Variants in ITPR1 observed in about 807,000 individuals in gnomAD.
The protein encoded by ITPR1 is inositol 1,4,5-trisphosphate receptor type 1, also known as inositol 1,4,5-trisphosphate-gated calcium channel ITPR1.
Under a neutral mutation model 318.4 loss-of-function variants are expected in ITPR1, and 96 were observed. The observed-to-expected ratio is 0.30, with a 90% CI of 0.26 to 0.36. The LOEUF (loss-of-function observed/expected upper bound fraction) is 0.36. Ranked by LOEUF, ITPR1 falls within the 10% of genes least tolerant of loss-of-function variation. The pLI is 1.00. For missense variants in ITPR1, 2,440 were observed against 3,460.2 expected (o/e 0.71, Z 7.40); for synonymous variants, 1,312 against 1,289.9 (o/e 1.02, Z -0.37).
intron 4 of ITPR1, among the ~76,000 whole-genome samples, chr3:4,563,467 C>G (rs1185256959): frequency 6.6e-6 from 1 of 152,112 alleles, no homozygotes; most frequent in East Asian, 1.9e-4. Context: ...TGGGATCATA[C>G]CACTGCACTC....
intron 30 of ITPR1, among the ~76,000 whole-genome samples, chr3:4,686,323 C>T (rs769357862): frequency 1.3e-5 from 2 of 152,156 alleles, no homozygotes; most frequent in African/African-American, 4.8e-5. Flanking sequence ...TCAGGCCTTT[C>T]GGTAGCTATA....
At chr3:4,753,766 T>C (rs2044728957) in intron 44 of ITPR1, among the ~76,000 whole-genome samples, 1 of 152,198 alleles carries the variant, frequency 6.6e-6, no homozygotes. Context: ...TGTCACAGTT[T>C]GTGTGGAGAG....
At chr3:4,713,670 A>G (rs2041548662) in intron 39 of ITPR1, among the ~76,000 whole-genome samples, 1 of 152,240 alleles carries the variant, frequency 6.6e-6, no homozygotes, top group Non-Finnish European at 1.5e-5. Context: ...GAAAGGGCAT[A>G]GGGTTGAGAG....
chr3:4,657,914 T>G (rs1402524662), intron 12 of ITPR1, among the ~76,000 whole-genome samples: 1 of 152,194 alleles, frequency 6.6e-6, no homozygotes, highest in Non-Finnish European at 1.5e-5. Context: ...TGGAACATTT[T>G]TATTGCAACA....
At chr3:4,615,908 T>C (rs752014735) in intron 4 of ITPR1, among the ~76,000 whole-genome samples, 4 of 152,184 alleles carry the variant, frequency 2.6e-5, no homozygotes, top group Non-Finnish European at 5.9e-5. Flanking sequence ...GTTTTCTATT[T>C]AGAGAAAGCA....
chr3:4,745,497 G>A (rs375668441), intron 44 of ITPR1, among the ~76,000 whole-genome samples: 8 of 152,172 alleles, frequency 5.3e-5, no homozygotes, highest in South Asian at 4.1e-4. Flanking sequence ...GCTTAATGCT[G>A]TGCTATTTCT....
At chr3:4,524,301 GTTTTTTTT>G (rs56380229) in intron 4 of ITPR1, among the ~76,000 whole-genome samples, 3 of 73,486 alleles carry the variant, frequency 4.1e-5, no homozygotes, top group Non-Finnish European at 4.7e-5. Flanking sequence ...ATACTTTGAC[GTTTTTTTT>G]TTTTTTTTTT....
intron 59 of ITPR1, 60 bp from the exon 60 acceptor site, chr3:4,818,022 A>AT (rs1161908360): frequency 5.0e-5 from 72 of 1,436,536 alleles, no homozygotes; most frequent in South Asian, 1.8e-4. Context: ...TCTGTTATTG[A>AT]TTTTTTTTCT....
chr3:4,809,326 T>C (rs943096064), intron 55 of ITPR1, among the ~76,000 whole-genome samples: 1 of 152,258 alleles, frequency 6.6e-6, no homozygotes, highest in African/African-American at 2.4e-5. Context: ...TTATTTGTTA[T>C]GACATATAAT....
chr3:4,536,754 T>C (rs1575450452), intron 4 of ITPR1, among the ~76,000 whole-genome samples: 1 of 152,318 alleles, frequency 6.6e-6, no homozygotes, highest in Non-Finnish European at 1.5e-5. Flanking sequence ...AGTGACAGCA[T>C]GCATTTTAAA....
intron 2 of ITPR1, among the ~76,000 whole-genome samples, chr3:4,503,559 C>T (rs1258961649): frequency 6.6e-6 from 1 of 152,112 alleles, no homozygotes; most frequent in Non-Finnish European, 1.5e-5. Context: ...GATTTGTGTC[C>T]TCCAGGGGAC....
chr3:4,833,901 TTTTA>T (rs1010884131), intron 60 of ITPR1, among the ~76,000 whole-genome samples: 5 of 146,156 alleles, frequency 3.4e-5, no homozygotes, highest in South Asian at 2.1e-4. Flanking sequence ...TTAGTTAGTT[TTTTA>T]TTTGTTTTCA....
At chr3:4,797,873 A>C (rs1261702213) in intron 53 of ITPR1, among the ~76,000 whole-genome samples, 1 of 152,242 alleles carries the variant, frequency 6.6e-6, no homozygotes, top group Non-Finnish European at 1.5e-5. Context: ...TTATGAGGAC[A>C]TTTTAAAATA....
At chr3:4,628,423 C>T (rs1292807274) in intron 5 of ITPR1, among the ~76,000 whole-genome samples, 7 of 152,324 alleles carry the variant, frequency 4.6e-5, no homozygotes, top group South Asian at 2.1e-4. Flanking sequence ...CCACTGCTGA[C>T]GTGCTGTGTG....
chr3:4,539,605 C>T (rs773872574), intron 4 of ITPR1, among the ~76,000 whole-genome samples: 7 of 152,140 alleles, frequency 4.6e-5, no homozygotes, highest in Non-Finnish European at 7.3e-5. Flanking sequence ...TGTCCCCTCC[C>T]AAAACTGAGG....
rs758815234 is a variant in ITPR1, at chr3:4,645,583, G to C, written c.710G>C (p.Gly237Ala). 1 of 1,613,228 alleles carries C rather than the reference G, an allele frequency of 6.2e-7. No homozygotes were observed. The highest frequency in any genetic ancestry group is 1.7e-5 in the Admixed American group (1 of 59,898). Reference protein sequence around the residue: ...SDNKDDILKGGDVVRLFHAEQ... With the variant: ...SDNKDDILKGADVVRLFHAEQ... ...ATTCTTTCTTGTGTTGACTGTCAGG[G>C]TGACGTGGTGAGGCTGTTTCATGCT... Residue 237 changes from glycine to alanine, a missense_variant and splice_region_variant, in exon 10 of 62, where the codon GGT becomes GCT. Coordinates refer to ENST00000649015, the MANE Select transcript of ITPR1 (RefSeq NM_001378452.1).
chr3:4,814,758 G>C (rs2049180502), intron 58 of ITPR1, 196 bp downstream of exon 58: 1 of 627,738 alleles, frequency 1.6e-6, no homozygotes, highest in South Asian at 2.0e-5. Flanking sequence ...CAGCTGCGTG[G>C]AAAGGGTTGG....
At chr3:4,704,594 A>G (rs979902244) in intron 36 of ITPR1, among the ~76,000 whole-genome samples, 1 of 152,208 alleles carries the variant, frequency 6.6e-6, no homozygotes, top group South Asian at 2.1e-4. Flanking sequence ...GTTGAGGCCA[A>G]AGGAAACGTA....
chr3:4,788,179 G>C, intron 52 of ITPR1, 40 bp downstream of exon 52: 8 of 1,513,516 alleles, frequency 5.3e-6, no homozygotes, highest in South Asian at 1.2e-5. Flanking sequence ...GAGAGACACA[G>C]TTCTGGGATT....
Sources: gnomAD v4.1 joint callset for allele counts (sites outside exome capture counted in the v4.1 genomes callset) on GRCh38, gnomAD v4.1.1 for gene constraint, MANE v1.5 for transcripts, NCBI Gene and HGNC (gene_info 2026-07-23, HGNC 2026-07-21) for gene names.